Variants in HMCN1 observed in about 807,000 individuals in gnomAD.
The protein encoded by HMCN1 is hemicentin-1.
HMCN1 carries 321 observed loss-of-function variants against 625.9 expected under a neutral mutation model. The ratio of observed to expected loss-of-function variants is 0.51; its 90% CI spans 0.47 to 0.56. The LOEUF (loss-of-function observed/expected upper bound fraction) is 0.56, where lower values mean the gene tolerates loss of function less well. HMCN1 is among the 20% of genes least tolerant of loss of function. HMCN1 has a pLI of 0.00. For missense variants in HMCN1, 6,588 were observed against 6,887.3 expected, an observed-to-expected ratio of 0.96 and a Z score of 1.54; for synonymous variants, 2,425 against 2,417.6, an observed-to-expected ratio of 1.00 and a Z score of -0.09.
chr1:185,865,427 A>T (rs960193435), intron 3 of HMCN1, among the ~76,000 whole-genome samples: 4 of 152,112 alleles, frequency 2.6e-5, no homozygotes, highest in Non-Finnish European at 5.9e-5. Flanking sequence ...TGATACAGGG[A>T]GGGGTGAGGA....
intron 4 of HMCN1, among the ~76,000 whole-genome samples, chr1:185,876,805 A>G (rs1292728484): frequency 6.6e-6 from 1 of 151,666 alleles, no homozygotes; most frequent in African/African-American, 2.4e-5. Flanking sequence ...TAGAATCTGG[A>G]TGTTAGTCCT....
At chr1:186,046,054 C>T (rs749626532) in intron 41 of HMCN1, among the ~76,000 whole-genome samples, 191 bp downstream of exon 41, 1 of 152,016 alleles carries the variant, frequency 6.6e-6, no homozygotes, top group Non-Finnish European at 1.5e-5. Context: ...AAGTATTTGT[C>T]ATCCATATCC....
intron 15 of HMCN1, among the ~76,000 whole-genome samples, chr1:185,971,178 T>C (rs1650802705): frequency 6.6e-6 from 1 of 152,176 alleles, no homozygotes; most frequent in South Asian, 2.1e-4. Flanking sequence ...TATCAACATC[T>C]GGAGGCCAGA....
intron 25 of HMCN1, 141 bp downstream of exon 25, chr1:185,997,665 T>C (rs555746712): frequency 2.9e-6 from 2 of 687,454 alleles, no homozygotes; most frequent in Admixed American, 4.3e-5. Flanking sequence ...CTAACCCATT[T>C]TTCAGATAAC....
chr1:186,030,186 G>A (rs1655329521), intron 36 of HMCN1, among the ~76,000 whole-genome samples: 1 of 152,070 alleles, frequency 6.6e-6, no homozygotes, highest in Non-Finnish European at 1.5e-5. Context: ...GTTTTCTGGT[G>A]GAGTAGTCTA....
At chr1:186,118,279 TTAAGAG>T (rs1661230759) in intron 77 of HMCN1, among the ~76,000 whole-genome samples, 1 of 152,090 alleles carries the variant, frequency 6.6e-6, no homozygotes, top group African/African-American at 2.4e-5. Context: ...TCCTGGGACT[TTAAGAG>T]TATGTGCATA....
In HMCN1 at chr1:185,984,972, A is replaced by C. The variant is rs1658305560; in HGVS notation, c.2935+659A>C. On this transcript the variant is annotated intron_variant, in intron 19 of 106. Coordinates refer to ENST00000271588, the MANE Select transcript of HMCN1 (RefSeq NM_031935.3). ...AACAAAAAAAACCATTGCATTAAAA[A>C]TAGCTTTGTGTTCAGAGCTGAATAT... Among the ~76,000 whole-genome samples the C allele has an allele frequency of 2.6e-5, 4 of 152,218 alleles. No homozygotes were observed. In the South Asian group the frequency reaches 6.2e-4, roughly 24 times the overall value.
At chr1:185,760,928 A>C (rs1270893136) in intron 1 of HMCN1, among the ~76,000 whole-genome samples, 1 of 152,188 alleles carries the variant, frequency 6.6e-6, no homozygotes, top group Non-Finnish European at 1.5e-5. Context: ...TGACTAGTAC[A>C]TGGTGGATCC....
chr1:186,125,796 T>TA lies in HMCN1; in HGVS notation c.12690+4dup. ...GAACTCATTTTAGAAAATGTTGTGG[T>TA]AAGTTTAATGGACGTGAACAGATAC... On this transcript the variant is annotated splice_region_variant and intron_variant, in intron 82 of 106. Coordinates refer to ENST00000271588, the MANE Select transcript of HMCN1 (RefSeq NM_031935.3). 6.2e-7 allele frequency: 1 copy of TA among 1,611,192 alleles called. No individual in the cohort carries two copies.
At chr1:185,808,078 C>CA (rs542232721) in intron 1 of HMCN1, among the ~76,000 whole-genome samples, 101 of 152,054 alleles carry the variant, frequency 6.6e-4, no homozygotes, top group African/African-American at 2.3e-3. Context: ...AACAAACAAA[C>CA]AAAAAACCTG....
chr1:185,921,561 A>G (rs779049744), intron 6 of HMCN1, among the ~76,000 whole-genome samples: 4 of 152,220 alleles, frequency 2.6e-5, no homozygotes, highest in South Asian at 2.1e-4. Flanking sequence ...TGTCATTGCT[A>G]TAATACCTCA....
chr1:186,177,640 TA>T (rs1652682245), intron 103 of HMCN1, among the ~76,000 whole-genome samples: 1 of 152,138 alleles, frequency 6.6e-6, no homozygotes, highest in African/African-American at 2.4e-5. Flanking sequence ...ATAAAAATTT[TA>T]AAATAAACAT....
At chr1:186,185,944 T>C (rs531788969) in intron 105 of HMCN1, among the ~76,000 whole-genome samples, 1 of 152,332 alleles carries the variant, frequency 6.6e-6, no homozygotes, top group South Asian at 2.1e-4. Context: ...TTTGAAAACC[T>C]TATACTTTAC....
rs1649703309 is a variant in HMCN1, at chr1:186,137,786, G to A, written c.13754-16G>A. On this transcript the variant is annotated splice_polypyrimidine_tract_variant and intron_variant, in intron 88 of 106. Coordinates refer to ENST00000271588, the MANE Select transcript of HMCN1 (RefSeq NM_031935.3). ...TTGAAATATACCTGATGGTGTAATG[G>A]TTCACCTTTGTATAGTGGATGGTAG... 4 of 1,614,036 alleles carry A rather than the reference G, an allele frequency of 2.5e-6. No individual in the cohort carries two copies. The highest frequency in any genetic ancestry group is 2.5e-6 in the Non-Finnish European group (3 of 1,179,974).
intron 86 of HMCN1, among the ~76,000 whole-genome samples, chr1:186,136,036 C>T (rs960976682): frequency 2.0e-5 from 3 of 152,114 alleles, no homozygotes; most frequent in African/African-American, 2.4e-5. Context: ...ATTAGCCAGG[C>T]GTGGTGGCGG....
chr1:185,835,368 C>G (rs1280105452), intron 1 of HMCN1, among the ~76,000 whole-genome samples: 1 of 150,286 alleles, frequency 6.7e-6, no homozygotes, highest in Non-Finnish European at 1.5e-5. Context: ...TGCCACAGCT[C>G]ATTGGTATTT....
intron 77 of HMCN1, among the ~76,000 whole-genome samples, chr1:186,118,395 A>G (rs2102483655): frequency 6.6e-6 from 1 of 152,332 alleles, no homozygotes; most frequent in African/African-American, 2.4e-5. Context: ...TATTTTGACT[A>G]TGGATTGGTA....
chr1:185,734,649 A>G lies in HMCN1; in HGVS notation c.-131A>G. The G allele has an allele frequency of 1.1e-6, 1 of 902,446 alleles. No individual in the cohort carries two copies. Among genetic ancestry groups the G allele is most frequent in the East Asian group, 2.4e-5 (1 of 41,650 alleles). 55.9% of individuals were successfully genotyped at this position (902,446 alleles called of 1,614,324 possible). ...GTCCCCGTCTGATTCTCAGCGCCAAACTTTTTGCTAGTTCAGAGATTCCAA... is the reference window on the plus strand; with the variant it reads ...GTCCCCGTCTGATTCTCAGCGCCAAGCTTTTTGCTAGTTCAGAGATTCCAA... On this transcript the variant is annotated 5_prime_UTR_variant, in exon 1 of 107. Transcript: ENST00000271588.
intron 1 of HMCN1, among the ~76,000 whole-genome samples, chr1:185,839,946 A>C (rs1050372963): frequency 2.0e-5 from 3 of 152,224 alleles, no homozygotes; most frequent in Admixed American, 1.3e-4. Flanking sequence ...CACTGATTTT[A>C]TAAAATACAC....
Sources: allele counts gnomAD v4.1 joint callset (sites outside exome capture counted in the v4.1 genomes callset), GRCh38; gene constraint gnomAD v4.1.1; transcripts MANE v1.5; gene names NCBI Gene and HGNC (gene_info 2026-07-23, HGNC 2026-07-21).